NTRK2: variants seen among roughly 807,000 people sequenced by gnomAD.
NTRK2 encodes the protein BDNF/NT-3 growth factors receptor.
In NTRK2, 13 loss-of-function variants were observed where a neutral mutation model predicts 94.5. The ratio of observed to expected loss-of-function variants is 0.14; its 90% CI spans 0.09 to 0.22. The LOEUF is 0.22. Among genes scored for constraint, NTRK2 ranks in the 10% least tolerant of loss-of-function variants. The probability of loss-of-function intolerance (pLI) is 1.00; values close to 1 mark genes in which losing one functional copy is unlikely to be tolerated. For synonymous variants in NTRK2, 372 were observed against 407.4 expected (o/e 0.91, Z 1.05); for missense variants, 639 against 1,071.2 (o/e 0.60, Z 5.63).
At chr9:84,826,524 G>A (rs564343557) in intron 12 of NTRK2, among the ~76,000 whole-genome samples, 1 of 152,134 alleles carries the variant, frequency 6.6e-6, no homozygotes, top group Non-Finnish European at 1.5e-5. Flanking sequence ...AGGCCACCAT[G>A]TAACCCACTA....
intron 12 of NTRK2, among the ~76,000 whole-genome samples, chr9:84,808,844 C>T (rs2071419355): frequency 6.6e-6 from 1 of 152,200 alleles, no homozygotes; most frequent in Non-Finnish European, 1.5e-5. Flanking sequence ...AATGATGACA[C>T]AGATTGGTGG....
At chr9:84,979,434 G>T (rs1281625674) in intron 17 of NTRK2, among the ~76,000 whole-genome samples, 2 of 152,224 alleles carry the variant, frequency 1.3e-5, no homozygotes, top group East Asian at 3.8e-4. Flanking sequence ...GGAGCCTGGA[G>T]ATGTGACTGA....
chr9:84,872,017 C>T, intron 14 of NTRK2: 7 of 1,483,944 alleles, frequency 4.7e-6, no homozygotes, highest in Non-Finnish European at 6.3e-6. Flanking sequence ...TAATGACTAA[C>T]CCCTCAAAGT....
intron 12 of NTRK2, among the ~76,000 whole-genome samples, chr9:84,795,015 C>G (rs909211928): frequency 1.3e-5 from 2 of 152,124 alleles, no homozygotes; most frequent in South Asian, 2.1e-4. Flanking sequence ...CCTCCACCCC[C>G]CAAATTAATG....
At chr9:84,950,026 T>G (rs936122879) in intron 16 of NTRK2, among the ~76,000 whole-genome samples, 1 of 152,224 alleles carries the variant, frequency 6.6e-6, no homozygotes, top group Non-Finnish European at 1.5e-5. Context: ...TGAGTCTCAG[T>G]CCAGGCATTA....
chr9:84,863,624 GCTT>G (rs1221957047), intron 13 of NTRK2, among the ~76,000 whole-genome samples: 2 of 152,204 alleles, frequency 1.3e-5, no homozygotes, highest in Non-Finnish European at 2.9e-5. Context: ...CCCGCTGAGA[GCTT>G]CTTCTGCCTT....
chr9:84,779,451 C>A (rs1020511092), intron 12 of NTRK2, among the ~76,000 whole-genome samples: 27 of 152,226 alleles, frequency 1.8e-4, no homozygotes, highest in Non-Finnish European at 4.4e-5. Context: ...ACCCCCTCAT[C>A]TTTTCTTTTG....
chr9:84,791,559 A>T (rs918717895), intron 12 of NTRK2, among the ~76,000 whole-genome samples: 1 of 152,186 alleles, frequency 6.6e-6, no homozygotes, highest in African/African-American at 2.4e-5. Context: ...CACCCTGAAA[A>T]GTTCCAGAGA....
chr9:84,736,537 T>G (rs1005362253), intron 9 of NTRK2, among the ~76,000 whole-genome samples: 2 of 152,190 alleles, frequency 1.3e-5, no homozygotes, highest in Non-Finnish European at 2.9e-5. Flanking sequence ...TTTATACTAT[T>G]TGTTCCTTTG....
At chr9:84,954,221 C>G (rs1208493372) in intron 16 of NTRK2, among the ~76,000 whole-genome samples, 1 of 152,198 alleles carries the variant, frequency 6.6e-6, no homozygotes, top group Non-Finnish European at 1.5e-5. Flanking sequence ...GGGCAGAGCC[C>G]GACAGCAAAC....
chr9:84,803,227 C>T (rs1363054100), intron 12 of NTRK2, among the ~76,000 whole-genome samples: 1 of 152,200 alleles, frequency 6.6e-6, no homozygotes, highest in Non-Finnish European at 1.5e-5. Flanking sequence ...CTCCTGGGAA[C>T]AGGCACTAGA....
chr9:84,678,583 T>C (rs1365394265), intron 2 of NTRK2, among the ~76,000 whole-genome samples: 1 of 152,198 alleles, frequency 6.6e-6, no homozygotes, highest in Non-Finnish European at 1.5e-5. Flanking sequence ...AAGTGACCTC[T>C]CTTTTCTGGG....
Position 84,701,552 on chromosome 9 carries a change from C to G in NTRK2, c.213-607C>G, listed in dbSNP as rs2060721978. 7.2e-5 allele frequency among the ~76,000 whole-genome samples: 11 copies of G among 152,054 alleles called. No homozygotes were observed. In the South Asian group the frequency reaches 2.3e-3, roughly 32 times the overall value. ...GGGGGTGGGGGAGGGAGGAGGTTCC[C>G]ACGGAGAATGCGCTAAGGCCATATG... On this transcript the variant is annotated intron_variant, in intron 2 of 18. Coordinates refer to ENST00000277120, the MANE Select transcript of NTRK2 (RefSeq NM_006180.6).
At position 84,685,945 on chromosome 9, in the gene NTRK2, C is replaced by G. The variant is rs1484785797; in HGVS notation, c.212+14985C>G. Among the ~76,000 whole-genome samples, 7 of 152,354 alleles carry G rather than the reference C, an allele frequency of 4.6e-5. No individual in the cohort carries two copies. In the East Asian group the frequency reaches 1.3e-3, roughly 29 times the overall value. On this transcript the variant is annotated intron_variant, in intron 2 of 18. Coordinates refer to ENST00000277120, the MANE Select transcript of NTRK2 (RefSeq NM_006180.6). The stretch of plus-strand genomic sequence containing the variant: ...GGACATATGGATCTTGTTTACTGCT[C>G]TTTCCTAGCATCTAGCACAATATCC...
At position 84,829,769 on chromosome 9, in the gene NTRK2, C is replaced by T. The variant is rs111600193; in HGVS notation, c.1397-31271C>T. Among the ~76,000 whole-genome samples the T allele has an allele frequency of 1.6e-4, 24 of 152,276 alleles. 1 individual carries two copies. Among genetic ancestry groups the T allele is most frequent in the African/African-American group, 5.8e-4 (24 of 41,558 alleles). On this transcript the variant is annotated intron_variant, in intron 12 of 18. Coordinates refer to ENST00000277120, the MANE Select transcript of NTRK2 (RefSeq NM_006180.6). ...GGATTTATGATGCTCACTTTTTGTT[C>T]TTGATGGATGGGGTCATTTAATCCT... is the stretch of plus-strand genomic sequence containing the variant.
intron 17 of NTRK2, among the ~76,000 whole-genome samples, chr9:84,970,592 G>A (rs541316647): frequency 6.6e-6 from 1 of 152,180 alleles, no homozygotes; most frequent in Admixed American, 6.5e-5. Flanking sequence ...CGCTGGGCAG[G>A]GCAGTGTTAA....
chr9:85,014,667 T>C (rs1832026356), intron 17 of NTRK2, among the ~76,000 whole-genome samples: 1 of 152,246 alleles, frequency 6.6e-6, no homozygotes, highest in Non-Finnish European at 1.5e-5. Flanking sequence ...ACCAATTAGA[T>C]GTGTCCATTC....
chr9:84,719,356 T>C (rs1374797208), intron 6 of NTRK2, among the ~76,000 whole-genome samples: 6 of 152,212 alleles, frequency 3.9e-5, no homozygotes, highest in African/African-American at 1.4e-4. Flanking sequence ...CAGTGAATGC[T>C]CAATAAATGA....
At chr9:84,953,326 TC>T (rs1298482262) in intron 16 of NTRK2, among the ~76,000 whole-genome samples, 1 of 152,252 alleles carries the variant, frequency 6.6e-6, no homozygotes, top group African/African-American at 2.4e-5. Flanking sequence ...TCCCTGGTTT[TC>T]CTGTGAAAGG....
Sources: allele counts gnomAD v4.1 joint callset (sites outside exome capture counted in the v4.1 genomes callset), GRCh38; gene constraint gnomAD v4.1.1; transcripts MANE v1.5; gene names NCBI Gene and HGNC (gene_info 2026-07-23, HGNC 2026-07-21).